Variants in COLEC12 observed in about 807,000 individuals in gnomAD.
COLEC12 encodes the protein collectin subfamily member 12, also known as collectin-12.
In COLEC12, 33 loss-of-function variants were observed where a neutral mutation model predicts 71.1. The observed-to-expected ratio is 0.46, with a 90% confidence interval of 0.35 to 0.62. The LOEUF is 0.62. COLEC12 is among the 20% of genes least tolerant of loss of function. The probability of loss-of-function intolerance (pLI) is 0.00; values close to 1 mark genes in which losing one functional copy is unlikely to be tolerated. For missense variants in COLEC12, 765 were observed against 916.1 expected (o/e 0.84, Z 2.13); for synonymous variants, 350 against 353.0 (o/e 0.99, Z 0.10).
At chr18:497,138 G>T (rs1366117802) in intron 1 of COLEC12, among the ~76,000 whole-genome samples, 1 of 152,166 alleles carries the variant, frequency 6.6e-6, no homozygotes, top group Non-Finnish European at 1.5e-5. Flanking sequence ...TGACTCCAGG[G>T]ATGGAGGAAA....
At chr18:462,365 C>T (rs1314896580) in intron 2 of COLEC12, among the ~76,000 whole-genome samples, 3 of 152,204 alleles carry the variant, frequency 2.0e-5, no homozygotes, top group Admixed American at 6.5e-5. Context: ...AAATGAGGTA[C>T]TGCTACATGC....
chr18:411,094 C>A (rs1168550574), intron 2 of COLEC12, among the ~76,000 whole-genome samples: 1 of 152,134 alleles, frequency 6.6e-6, no homozygotes, highest in Non-Finnish European at 1.5e-5. Flanking sequence ...CTATCCCTTC[C>A]CACCAATAAT....
rs1913678843 is a variant in COLEC12, at chr18:320,565, T to C, written c.2210-501A>G. Among the ~76,000 whole-genome samples, 5 of 152,378 alleles carry C rather than the reference T, an allele frequency of 3.3e-5. No homozygotes were observed. The South Asian group carries it at 1.0e-3, about 32-fold the overall frequency. On this transcript the variant is annotated intron_variant, in intron 9 of 9. Coordinates refer to ENST00000400256, the MANE Select transcript of COLEC12 (RefSeq NM_130386.3). ...TTTGACCAAAATATATTTGAGGTTT[T>C]TGTTTTTATATGAACAGCTTTATTG...
chr18:440,914 C>T (rs193186923), intron 2 of COLEC12, among the ~76,000 whole-genome samples: 2 of 152,124 alleles, frequency 1.3e-5, no homozygotes, highest in Non-Finnish European at 2.9e-5. Context: ...TCATGTTAGA[C>T]GGAGATATAA....
At chr18:452,992 C>T (rs573508949) in intron 2 of COLEC12, among the ~76,000 whole-genome samples, 55 of 152,310 alleles carry the variant, frequency 3.6e-4, no homozygotes, top group African/African-American at 1.2e-3. Flanking sequence ...AGACATCATC[C>T]TAAAAACCAG....
At chr18:457,052 G>A (rs554264089) in intron 2 of COLEC12, among the ~76,000 whole-genome samples, 4 of 152,262 alleles carry the variant, frequency 2.6e-5, no homozygotes, top group South Asian at 2.1e-4. Flanking sequence ...TCACATTCCC[G>A]AGGGTTTTCT....
chr18:392,700 C>T (rs1915488022), intron 2 of COLEC12, among the ~76,000 whole-genome samples: 1 of 152,182 alleles, frequency 6.6e-6, no homozygotes, highest in African/African-American at 2.4e-5. Flanking sequence ...AATGTGAGGG[C>T]CTTTTATGGG....
intron 2 of COLEC12, among the ~76,000 whole-genome samples, chr18:452,505 C>T (rs1916782521): frequency 6.6e-6 from 1 of 152,190 alleles, no homozygotes; most frequent in Non-Finnish European, 1.5e-5. Flanking sequence ...TAGGAACCCC[C>T]TCTTCAGCAG....
At chr18:379,250 G>A (rs1915180461) in intron 2 of COLEC12, among the ~76,000 whole-genome samples, 2 of 151,936 alleles carry the variant, frequency 1.3e-5, no homozygotes, top group Admixed American at 1.3e-4. Context: ...AGCCTCCCAA[G>A]TAGCTGGGAC....
At chr18:426,649 C>T (rs1916205082) in intron 2 of COLEC12, among the ~76,000 whole-genome samples, 1 of 152,138 alleles carries the variant, frequency 6.6e-6, no homozygotes. Flanking sequence ...ATCTTTGACA[C>T]ATGTTCATTT....
chr18:369,459 T>A (rs1171378593), intron 2 of COLEC12, among the ~76,000 whole-genome samples: 19 of 150,430 alleles, frequency 1.3e-4, no homozygotes, highest in Admixed American at 4.6e-4. Flanking sequence ...GTTTTTTTTT[T>A]TTATTATACT....
chr18:406,927 G>A (rs1915802905), intron 2 of COLEC12, among the ~76,000 whole-genome samples: 1 of 152,276 alleles, frequency 6.6e-6, no homozygotes, highest in Non-Finnish European at 1.5e-5. Context: ...ATGTGAGTTT[G>A]CAGTAGGCAG....
At chr18:394,132 G>A (rs1408702842) in intron 2 of COLEC12, among the ~76,000 whole-genome samples, 1 of 152,164 alleles carries the variant, frequency 6.6e-6, no homozygotes, top group African/African-American at 2.4e-5. Context: ...ACTTCCAGCA[G>A]CTTGTCCATT....
At chr18:492,847 G>C (rs1253918004) in intron 1 of COLEC12, among the ~76,000 whole-genome samples, 1 of 152,094 alleles carries the variant, frequency 6.6e-6, no homozygotes, top group Admixed American at 6.6e-5. Context: ...GAGTTTAAGA[G>C]ACACAATTCA....
intron 2 of COLEC12, among the ~76,000 whole-genome samples, chr18:437,046 T>C (rs1268195870): frequency 2.6e-5 from 4 of 152,066 alleles, no homozygotes; most frequent in African/African-American, 9.7e-5. Context: ...CAGAATAAAA[T>C]TGGAGACTGG....
intron 2 of COLEC12, among the ~76,000 whole-genome samples, chr18:406,104 G>A (rs183840048): frequency 3.5e-4 from 54 of 152,204 alleles, no homozygotes; most frequent in African/African-American, 1.0e-3. Flanking sequence ...CCAGTGCCAC[G>A]ACAGTTTACA....
At chr18:341,526 G>C (rs1914252202) in intron 5 of COLEC12, among the ~76,000 whole-genome samples, 2 of 152,244 alleles carry the variant, frequency 1.3e-5, no homozygotes, top group African/African-American at 2.4e-5. Context: ...AAATCCAGCA[G>C]TAAGCACTTT....
intron 1 of COLEC12, among the ~76,000 whole-genome samples, chr18:494,185 G>C (rs1917668604): frequency 6.6e-6 from 1 of 152,086 alleles, no homozygotes; most frequent in African/African-American, 2.4e-5. Flanking sequence ...TCCCCACGTG[G>C]AGCACAACTC....
chr18:335,759 G>A (rs1348893433), intron 5 of COLEC12, among the ~76,000 whole-genome samples: 3 of 151,546 alleles, frequency 2.0e-5, no homozygotes, highest in Non-Finnish European at 4.4e-5. Flanking sequence ...GTATATGGCA[G>A]CCCAAGCAAG....
Sources: gnomAD v4.1 joint callset for allele counts (sites outside exome capture counted in the v4.1 genomes callset) on GRCh38, gnomAD v4.1.1 for gene constraint, MANE v1.5 for transcripts, NCBI Gene and HGNC (gene_info 2026-07-23, HGNC 2026-07-21) for gene names.